PAPSS2: variants seen among roughly 807,000 people sequenced by gnomAD.
PAPSS2 encodes 3'-phosphoadenosine 5'-phosphosulfate synthase 2, also known as bifunctional 3'-phosphoadenosine 5'-phosphosulfate synthase 2.
PAPSS2 carries 61 observed loss-of-function variants against 66.5 expected under a neutral mutation model. The observed-to-expected ratio is 0.92, with a 90% CI of 0.75 to 1.14. PAPSS2 has a LOEUF of 1.14. Ranked by LOEUF, PAPSS2 falls within the 50% of genes most tolerant of loss-of-function variation. The pLI is 0.00. For synonymous variants in PAPSS2, 289 were observed against 287.5 expected, an observed-to-expected ratio of 1.01 and a Z score of -0.05; for missense variants, 708 against 789.6, an observed-to-expected ratio of 0.90 and a Z score of 1.24.
rs747477744 is a variant in PAPSS2 at position 87,714,878 on chromosome 10, T to C, written c.639+15T>C. The C allele has an allele frequency of 2.6e-6, 4 of 1,516,360 alleles. No individual in the cohort carries two copies. The African/African-American group carries it at 5.5e-5, about 21-fold the overall frequency. The allele number at this position is 1,516,360 out of a possible 1,614,324, so 93.9% of individuals were successfully genotyped here. A position where few individuals can be genotyped will look rare whatever the true frequency, so the allele number is the denominator to read the frequency against. On this transcript the variant is annotated intron_variant, in intron 5 of 12. Coordinates refer to ENST00000456849, the MANE Select transcript of PAPSS2 (RefSeq NM_001015880.2). Reference sequence around the variant, plus strand: ...TGCAAGAGCAGGTAGGTGAACCGGTTGTCTTTTTTTATATGTTTAATAAAA... The same window carrying C: ...TGCAAGAGCAGGTAGGTGAACCGGTCGTCTTTTTTTATATGTTTAATAAAA...
chr10:87,695,786 C>T (rs773184360), intron 1 of PAPSS2, among the ~76,000 whole-genome samples: 9 of 152,160 alleles, frequency 5.9e-5, no homozygotes, highest in Admixed American at 3.3e-4. Context: ...AAGCCCTCGT[C>T]GTCATTTTAA....
intron 9 of PAPSS2, among the ~76,000 whole-genome samples, chr10:87,736,662 A>G (rs1479811554): frequency 6.6e-6 from 1 of 152,190 alleles, no homozygotes; most frequent in Non-Finnish European, 1.5e-5. Flanking sequence ...AGAGCCATAC[A>G]TCATATTTAA....
intron 9 of PAPSS2, among the ~76,000 whole-genome samples, chr10:87,739,639 C>G (rs905203228): frequency 5.9e-5 from 9 of 152,176 alleles, no homozygotes; most frequent in Non-Finnish European, 1.3e-4. Context: ...TAGAGAATCC[C>G]CAAGTTCAAA....
Position 87,709,507 on chromosome 10 carries a change from A to G in PAPSS2, c.145+194A>G, listed in dbSNP as rs902078684. Among the ~76,000 whole-genome samples, 3 of 152,334 alleles carry G rather than the reference A, an allele frequency of 2.0e-5. No homozygotes were observed. In the East Asian group the frequency reaches 5.8e-4, roughly 29 times the overall value. On this transcript the variant is annotated intron_variant, in intron 2 of 12. Coordinates refer to ENST00000456849, the MANE Select transcript of PAPSS2 (RefSeq NM_001015880.2). ...AATAGAGTCAAGGTCAACTACAGAA[A>G]TAAGAGTCTGATCAAGTCAACTGTG...
intron 9 of PAPSS2, among the ~76,000 whole-genome samples, chr10:87,731,350 CT>C (rs760327235): frequency 6.6e-6 from 1 of 152,212 alleles, no homozygotes; most frequent in Non-Finnish European, 1.5e-5. Flanking sequence ...CAAAATATCA[CT>C]GCTAATTGAC....
chr10:87,746,559 T>C lies in PAPSS2; in HGVS notation c.*589T>C, dbSNP rs57020146. On this transcript the variant is annotated 3_prime_UTR_variant, in exon 13 of 13. Transcript: ENST00000456849. ...TGGAGAAACAAAATGTGCAATAACGTGAATTTTATCTTAGAGATCTGTGCA... is the reference window on the plus strand; with the variant it reads ...TGGAGAAACAAAATGTGCAATAACGCGAATTTTATCTTAGAGATCTGTGCA... The C allele has an allele frequency of 0.069, 10,451 of 152,380 alleles. 937 individuals are homozygous for C. The highest frequency in any genetic ancestry group is 0.39 in the East Asian group (2,030 of 5,188). 9.4% of individuals were successfully genotyped at this position (152,380 alleles called of 1,614,324 possible). A position where few individuals can be genotyped will look rare whatever the true frequency, so the allele number is the denominator to read the frequency against.
intron 1 of PAPSS2, among the ~76,000 whole-genome samples, chr10:87,682,735 G>A (rs12772633): frequency 0.39 from 59,662 of 151,954 alleles, 12,484 homozygotes; most frequent in Non-Finnish European, 0.48. Context: ...CCAGGTGGCC[G>A]CAATGCTTTC....
At chr10:87,673,025 C>A (rs1311230077) in intron 1 of PAPSS2, among the ~76,000 whole-genome samples, 2 of 152,262 alleles carry the variant, frequency 1.3e-5, no homozygotes, top group South Asian at 2.1e-4. Context: ...AGAATGTGTA[C>A]TGTCTGATCC....
intron 1 of PAPSS2, among the ~76,000 whole-genome samples, chr10:87,688,435 C>CT (rs2131910545): frequency 1.2e-5 from 1 of 84,938 alleles, no homozygotes; most frequent in Admixed American, 1.2e-4. Context: ...ATGGAAATTT[C>CT]TTTTTTATTT....
chr10:87,738,511 G>A (rs746628998), intron 9 of PAPSS2, among the ~76,000 whole-genome samples: 5 of 152,084 alleles, frequency 3.3e-5, no homozygotes, highest in Non-Finnish European at 7.4e-5. Context: ...CCAGGCTCAG[G>A]TGATCCTCCC....
intron 1 of PAPSS2, among the ~76,000 whole-genome samples, chr10:87,693,478 C>A (rs187191232): frequency 1.3e-5 from 2 of 152,288 alleles, no homozygotes; most frequent in Admixed American, 1.3e-4. Flanking sequence ...CCGAAGGACT[C>A]TTTCAGTTCA....
chr10:87,729,620 C>T (rs1261926298), intron 9 of PAPSS2, among the ~76,000 whole-genome samples: 1 of 152,156 alleles, frequency 6.6e-6, no homozygotes, highest in Non-Finnish European at 1.5e-5. Context: ...GCAATGGCCT[C>T]TAAGTGTTCA....
At chr10:87,735,587 G>A (rs1853788112) in intron 9 of PAPSS2, among the ~76,000 whole-genome samples, 1 of 152,164 alleles carries the variant, frequency 6.6e-6, no homozygotes, top group Non-Finnish European at 1.5e-5. Context: ...GTTTAGAAAA[G>A]AGGCCATGAA....
intron 7 of PAPSS2, among the ~76,000 whole-genome samples, chr10:87,716,530 G>T (rs976602322): frequency 6.6e-6 from 1 of 152,118 alleles, no homozygotes; most frequent in Non-Finnish European, 1.5e-5. Context: ...CAAGACCTTC[G>T]GGGAATGGCT....
rs1206279629 is a variant in PAPSS2 at position 87,714,769 on chromosome 10, A to G, written c.545A>G (p.Tyr182Cys). Residue 182 changes from tyrosine (Y) to cysteine (C), a missense_variant, in exon 5 of 13, where the codon TAT becomes TGT. Physicochemically the swap from Tyr to Cys is radical, Grantham distance 194. Coordinates refer to ENST00000456849, the MANE Select transcript of PAPSS2 (RefSeq NM_001015880.2). ...IKGFTGIDSD[Y>C]EKPETPERVL... Reference sequence around the variant, plus strand: ...GGATTTACAGGTATTGATTCTGATTATGAGAAACCTGAAACTCCTGAGCGT... The same window carrying G: ...GGATTTACAGGTATTGATTCTGATTGTGAGAAACCTGAAACTCCTGAGCGT... The G allele has an allele frequency of 1.2e-6, 2 of 1,609,318 alleles. No individual in the cohort carries two copies. The highest frequency in any genetic ancestry group is 1.7e-6 in the Non-Finnish European group (2 of 1,175,794).
At chr10:87,687,962 C>T (rs1195958521) in intron 1 of PAPSS2, among the ~76,000 whole-genome samples, 1 of 152,058 alleles carries the variant, frequency 6.6e-6, no homozygotes, top group Non-Finnish European at 1.5e-5. Context: ...ACAATGCCAC[C>T]TATTTTCTTT....
chr10:87,691,444 G>C (rs1251084092), intron 1 of PAPSS2, among the ~76,000 whole-genome samples: 1 of 151,550 alleles, frequency 6.6e-6, no homozygotes, highest in Non-Finnish European at 1.5e-5. Context: ...ATATTGGTTA[G>C]TGTTACCTAG....
chr10:87,705,861 G>T (rs1853376536), intron 1 of PAPSS2, among the ~76,000 whole-genome samples: 1 of 150,928 alleles, frequency 6.6e-6, no homozygotes, highest in African/African-American at 2.4e-5. Context: ...AGCCTCCCGA[G>T]TAGCTGGGAT....
At chr10:87,670,347 G>T (rs1012521932) in intron 1 of PAPSS2, among the ~76,000 whole-genome samples, 1 of 152,188 alleles carries the variant, frequency 6.6e-6, no homozygotes, top group African/African-American at 2.4e-5. Context: ...GTTCAAGGTC[G>T]ACGCTTAAGG....
Sources: allele counts gnomAD v4.1 joint callset (sites outside exome capture counted in the v4.1 genomes callset), GRCh38; gene constraint gnomAD v4.1.1; transcripts MANE v1.5; gene names NCBI Gene and HGNC (gene_info 2026-07-23, HGNC 2026-07-21).